The following FAF2 variants were observed in gnomAD, a reference collection of about 807,000 sequenced individuals.
FAF2 encodes Fas associated factor family member 2.
FAF2 carries 9 observed loss-of-function variants against 62.3 expected under a neutral mutation model. The observed-to-expected ratio is 0.14, with a 90% CI of 0.09 to 0.25. The LOEUF is 0.25. FAF2 is among the 10% of genes least tolerant of loss of function. The probability of loss-of-function intolerance (pLI) is 1.00; values close to 1 mark genes in which losing one functional copy is unlikely to be tolerated. For synonymous variants in FAF2, 202 were observed against 198.0 expected (o/e 1.02, Z -0.17); for missense variants, 368 against 556.2 (o/e 0.66, Z 3.40).
chr5:176,464,173 C>G (rs1341106823), intron 1 of FAF2, among the ~76,000 whole-genome samples: 1 of 152,026 alleles, frequency 6.6e-6, no homozygotes, highest in Admixed American at 6.6e-5. Flanking sequence ...CCCAGGCTGT[C>G]CTTAAGGCCT....
At chr5:176,469,909 A>G (rs528732329) in intron 1 of FAF2, among the ~76,000 whole-genome samples, 2 of 152,330 alleles carry the variant, frequency 1.3e-5, no homozygotes, top group South Asian at 2.1e-4. Flanking sequence ...GGAGTCTCAC[A>G]CAGGTAAGAG....
At position 176,507,593 on chromosome 5, in the gene FAF2, G is replaced by A. The variant is rs1343502437; in HGVS notation, c.*643G>A. The A allele has an allele frequency of 6.4e-6, 1 of 155,872 alleles. No homozygotes were observed. The highest frequency in any genetic ancestry group is 1.9e-4 in the East Asian group (1 of 5,288). The allele number at this position is 155,872 out of a possible 1,614,324, so 9.7% of individuals were successfully genotyped here. A position where few individuals can be genotyped will look rare whatever the true frequency, so the allele number is the denominator to read the frequency against. Reference sequence around the variant, plus strand: ...ATGAGTTTATGCCCTGGGCTCCTTAGCCCACAATAGTGTAATAAAAGTGCC... The same window carrying A: ...ATGAGTTTATGCCCTGGGCTCCTTAACCCACAATAGTGTAATAAAAGTGCC... On this transcript the variant is annotated 3_prime_UTR_variant, in exon 11 of 11. Transcript: ENST00000261942.
chr5:176,455,610 T>G (rs1758265848), intron 1 of FAF2, among the ~76,000 whole-genome samples: 1 of 151,822 alleles, frequency 6.6e-6, no homozygotes, highest in South Asian at 2.1e-4. Context: ...TTAGCCAGAT[T>G]TGGTGGCGGG....
intron 5 of FAF2, 57 bp downstream of exon 5, chr5:176,492,389 G>A (rs1758987579): frequency 6.5e-7 from 1 of 1,547,888 alleles, no homozygotes; most frequent in Non-Finnish European, 8.7e-7. Flanking sequence ...ATCCTCAAAG[G>A]AGAGCACAGC....
chr5:176,491,267 C>T (rs1228604135), intron 4 of FAF2, among the ~76,000 whole-genome samples: 1 of 152,182 alleles, frequency 6.6e-6, no homozygotes, highest in African/African-American at 2.4e-5. Context: ...GTCCTGTTGC[C>T]TTCTCTGGAA....
chr5:176,498,043 G>A (rs1034252924), intron 8 of FAF2, among the ~76,000 whole-genome samples: 2 of 152,130 alleles, frequency 1.3e-5, no homozygotes, highest in African/African-American at 4.8e-5. Context: ...TGAGGTGGCA[G>A]GATTGCTTTA....
At chr5:176,449,546 G>A (rs1230202329) in intron 1 of FAF2, among the ~76,000 whole-genome samples, 1 of 151,998 alleles carries the variant, frequency 6.6e-6, no homozygotes, top group East Asian at 1.9e-4. Flanking sequence ...CTGCACTCCA[G>A]CCTGGGCAAC....
At chr5:176,493,447 G>T (rs1194361746) in intron 5 of FAF2, among the ~76,000 whole-genome samples, 1 of 152,232 alleles carries the variant, frequency 6.6e-6, no homozygotes. Context: ...ACATGCAGGA[G>T]CACGCACAGG....
chr5:176,460,513 C>CGTGTGTGTGTGTGTGTGTGTGTGT (rs747582699), intron 1 of FAF2, among the ~76,000 whole-genome samples: 1 of 132,626 alleles, frequency 7.5e-6, no homozygotes, highest in Non-Finnish European at 1.6e-5. Flanking sequence ...TTTTTGGCCG[C>CGTGTGTGTGTGTGTGTGTGTGTGT]GTGTGTGTGT....
At chr5:176,475,137 G>T (rs1274026198) in intron 1 of FAF2, among the ~76,000 whole-genome samples, 1 of 151,670 alleles carries the variant, frequency 6.6e-6, no homozygotes, top group Non-Finnish European at 1.5e-5. Context: ...TTTATTTAAG[G>T]TTATTATTAT....
At chr5:176,452,377 G>C (rs1758204566) in intron 1 of FAF2, among the ~76,000 whole-genome samples, 1 of 152,090 alleles carries the variant, frequency 6.6e-6, no homozygotes, top group South Asian at 2.1e-4. Context: ...CATTTATTAA[G>C]TATCTACTAT....
intron 10 of FAF2, among the ~76,000 whole-genome samples, chr5:176,502,704 A>G (rs1481119611): frequency 3.3e-5 from 5 of 152,192 alleles, no homozygotes; most frequent in Non-Finnish European, 7.3e-5. Context: ...TTCATTAACT[A>G]TTTGATCCTT....
rs1022319473 is a variant in FAF2 at position 176,507,248 on chromosome 5, C to A, written c.*298C>A. Reference sequence around the variant, plus strand: ...CCTTCCAGTGAACAGAGACTCTTCACCTTCGACCCATCCATTGTCCCAGCT... The same window carrying A: ...CCTTCCAGTGAACAGAGACTCTTCAACTTCGACCCATCCATTGTCCCAGCT... On this transcript the variant is annotated 3_prime_UTR_variant, in exon 11 of 11. Transcript: ENST00000261942. 1.0e-4 allele frequency: 47 copies of A among 456,122 alleles called. No homozygotes were observed. The highest frequency in any genetic ancestry group is 9.0e-4 in the African/African-American group (45 of 49,932). The allele number at this position is 456,122 out of a possible 1,614,324, so 28.3% of individuals were successfully genotyped here.
At chr5:176,492,142 A>G in intron 4 of FAF2, 52 bp from the exon 5 acceptor site, 5 of 1,611,018 alleles carry the variant, frequency 3.1e-6, no homozygotes, top group Middle Eastern at 1.8e-4. Context: ...GGCCCACTCG[A>G]TATGCACTGT....
At chr5:176,479,327 T>C (rs1164389437) in intron 2 of FAF2, 71 bp downstream of exon 2, 3 of 1,222,150 alleles carry the variant, frequency 2.5e-6, no homozygotes, top group East Asian at 4.7e-5. Flanking sequence ...CGTATGTTTT[T>C]CCATAGCAGG....
intron 8 of FAF2, 90 bp from the exon 9 acceptor site, chr5:176,498,824 C>G: frequency 2.6e-6 from 3 of 1,173,192 alleles, no homozygotes; most frequent in Non-Finnish European, 2.3e-6. Context: ...CATTTTTACA[C>G]ACACACACAC....
chr5:176,453,887 C>T (rs1267719711), intron 1 of FAF2, among the ~76,000 whole-genome samples: 1 of 151,436 alleles, frequency 6.6e-6, no homozygotes, highest in Non-Finnish European at 1.5e-5. Context: ...AACCCCGTCT[C>T]TACTAAAAAT....
At chr5:176,468,557 C>G (rs1197503873) in intron 1 of FAF2, among the ~76,000 whole-genome samples, 1 of 152,106 alleles carries the variant, frequency 6.6e-6, no homozygotes, top group Non-Finnish European at 1.5e-5. Flanking sequence ...GCATCCCAAC[C>G]TGGGCGACAG....
intron 1 of FAF2, among the ~76,000 whole-genome samples, chr5:176,465,051 C>T (rs2113722470): frequency 6.6e-6 from 1 of 152,228 alleles, no homozygotes; most frequent in Non-Finnish European, 1.5e-5. Context: ...CTACCACGCC[C>T]AGCTAATTTT....
Sources: allele counts gnomAD v4.1 joint callset (sites outside exome capture counted in the v4.1 genomes callset), GRCh38; gene constraint gnomAD v4.1.1; transcripts MANE v1.5; gene names NCBI Gene and HGNC (gene_info 2026-07-23, HGNC 2026-07-21).